Variants in MAP2K6 observed in about 807,000 individuals in gnomAD.
MAP2K6 encodes the protein mitogen-activated protein kinase kinase 6.
A neutral mutation model predicts 53.7 loss-of-function variants in MAP2K6; 16 were observed. The observed-to-expected ratio is 0.30, with a 90% CI of 0.20 to 0.45. The LOEUF (loss-of-function observed/expected upper bound fraction) is 0.45, where lower values mean the gene tolerates loss of function less well. Ranked by LOEUF, MAP2K6 falls within the 20% of genes least tolerant of loss-of-function variation. The probability of loss-of-function intolerance (pLI) is 1.00; values close to 1 mark genes in which losing one functional copy is unlikely to be tolerated. For synonymous variants in MAP2K6, 132 were observed against 143.1 expected (o/e 0.92, Z 0.55); for missense variants, 204 against 411.9 (o/e 0.50, Z 4.37).
chr17:69,424,435 T>G (rs765656118), intron 1 of MAP2K6, among the ~76,000 whole-genome samples: 19 of 152,236 alleles, frequency 1.2e-4, no homozygotes, highest in Non-Finnish European at 2.8e-4. Flanking sequence ...GAATGTGAAT[T>G]CTATCATTTA....
chr17:69,489,220 C>CAAAA (rs58968517), intron 1 of MAP2K6, among the ~76,000 whole-genome samples: 2 of 62,634 alleles, frequency 3.2e-5, no homozygotes, highest in African/African-American at 1.3e-4. Flanking sequence ...AACTCTGTCT[C>CAAAA]AAAAAAAAAA....
intron 1 of MAP2K6, among the ~76,000 whole-genome samples, chr17:69,465,511 C>CA (rs1191523154): frequency 4.6e-5 from 7 of 152,042 alleles, no homozygotes; most frequent in Admixed American, 2.6e-4. Context: ...GGCTGAAAGA[C>CA]AAAAGGCCAC....
At chr17:69,462,539 C>A (rs1436608296) in intron 1 of MAP2K6, among the ~76,000 whole-genome samples, 1 of 152,172 alleles carries the variant, frequency 6.6e-6, no homozygotes, top group Non-Finnish European at 1.5e-5. Flanking sequence ...CCTTGGGTCA[C>A]CTTCTCAACC....
At chr17:69,456,866 T>G (rs1448865878) in intron 1 of MAP2K6, among the ~76,000 whole-genome samples, 1 of 152,184 alleles carries the variant, frequency 6.6e-6, no homozygotes, top group Non-Finnish European at 1.5e-5. Context: ...CTACAACACA[T>G]CTGTCCCCAC....
At chr17:69,416,366 C>T (rs182495629) in intron 1 of MAP2K6, among the ~76,000 whole-genome samples, 1 of 152,228 alleles carries the variant, frequency 6.6e-6, no homozygotes, top group Admixed American at 6.5e-5. Context: ...GCTGAAGAAC[C>T]TAGGAATTGA....
Position 69,497,114 on chromosome 17 carries a change from G to T in MAP2K6, c.17-8666G>T, listed in dbSNP as rs1448040237. On this transcript the variant is annotated intron_variant, in intron 1 of 11. Coordinates refer to ENST00000590474, the MANE Select transcript of MAP2K6 (RefSeq NM_002758.4). The stretch of plus-strand genomic sequence containing the variant: ...AAGCAGCTTATTTGTGAGCCAGATT[G>T]CTGTGGTCTCTACCTCTTATTTTTG... 2.0e-5 allele frequency among the ~76,000 whole-genome samples: 3 copies of T among 152,278 alleles called. No homozygotes were observed. In the East Asian group the frequency reaches 5.8e-4, roughly 29 times the overall value.
rs1252200483 is a variant in MAP2K6 at position 69,551,541 on chromosome 17, G to A, written c.*9788G>A. The A allele has an allele frequency of 1.3e-5, 2 of 152,178 alleles. No homozygotes were observed. The highest frequency in any genetic ancestry group is 2.4e-5 in the African/African-American group (1 of 41,454). The allele number at this position is 152,178 out of a possible 1,614,324, so 9.4% of individuals were successfully genotyped here. On this transcript the variant is annotated 3_prime_UTR_variant, in exon 12 of 12. Coordinates refer to ENST00000590474, the MANE Select transcript of MAP2K6 (RefSeq NM_002758.4). The stretch of plus-strand genomic sequence containing the variant: ...CAGCAACTGTTTTAGAAAACTATAT[G>A]TGCCAAAAATTTACATTGGGCAGCA...
intron 1 of MAP2K6, among the ~76,000 whole-genome samples, chr17:69,436,481 T>G (rs907959046): frequency 6.6e-6 from 1 of 152,248 alleles, no homozygotes; most frequent in Non-Finnish European, 1.5e-5. Context: ...TTTACAATGT[T>G]TTATCCTCAG....
At chr17:69,528,849 G>A (rs1399985178) in intron 10 of MAP2K6, among the ~76,000 whole-genome samples, 1 of 100,612 alleles carries the variant, frequency 9.9e-6, no homozygotes, top group Non-Finnish European at 1.8e-5. Context: ...ATAAGAGAGA[G>A]ACGCCATCTC....
At chr17:69,505,635 C>T (rs775330779) in intron 1 of MAP2K6, 145 bp from the exon 2 acceptor site, 6 of 677,344 alleles carry the variant, frequency 8.9e-6, no homozygotes, top group Non-Finnish European at 1.6e-5. Context: ...TTAACACTCA[C>T]AGACTTCCTG....
At position 69,550,593 on chromosome 17, in the gene MAP2K6, G is replaced by A. The variant is rs1177161528; in HGVS notation, c.*8840G>A. On this transcript the variant is annotated 3_prime_UTR_variant, in exon 12 of 12. Coordinates refer to ENST00000590474, the MANE Select transcript of MAP2K6 (RefSeq NM_002758.4). Reference sequence around the variant, plus strand: ...TTTTATTTTATTTTTCTGATCTCAAGTTGTTTGTCCTGTTGTATGTTCAAT... The same window carrying A: ...TTTTATTTTATTTTTCTGATCTCAAATTGTTTGTCCTGTTGTATGTTCAAT... 2.6e-5 allele frequency: 4 copies of A among 152,140 alleles called. No homozygotes were observed. Among genetic ancestry groups the A allele is most frequent in the African/African-American group, 9.7e-5 (4 of 41,440 alleles). The allele number at this position is 152,140 out of a possible 1,614,324, so 9.4% of individuals were successfully genotyped here. A position where few individuals can be genotyped will look rare whatever the true frequency, so the allele number is the denominator to read the frequency against.
intron 1 of MAP2K6, among the ~76,000 whole-genome samples, chr17:69,453,522 A>G (rs1907300019): frequency 6.6e-6 from 1 of 152,154 alleles, no homozygotes; most frequent in Admixed American, 6.5e-5. Flanking sequence ...GGTCAAACAC[A>G]TTCATTTTCT....
intron 1 of MAP2K6, chr17:69,502,525 G>T: frequency 1.0e-6 from 1 of 985,394 alleles, no homozygotes; most frequent in Middle Eastern, 5.2e-4. Context: ...TAGGTTTTGT[G>T]TCTCCTGGAT....
Position 69,455,033 on chromosome 17 carries a change from TTA to T in MAP2K6, c.16+40035_16+40036del, listed in dbSNP as rs781117844. ...AGTTGGAGAGTCATTCTTACTATTA[TTA>T]TTTTTTTTTTTTTTTGGTGGAGGGG... On this transcript the variant is annotated intron_variant, in intron 1 of 11. Coordinates refer to ENST00000590474, the MANE Select transcript of MAP2K6 (RefSeq NM_002758.4). Among the ~76,000 whole-genome samples, 116 of 47,454 alleles carry T rather than the reference TTA, an allele frequency of 2.4e-3. 3 individuals are homozygous for T. The highest frequency in any genetic ancestry group is 9.1e-3 in the Middle Eastern group (1 of 110). The allele number at this position is 47,454 out of a possible 152,430, so 31.1% of individuals were successfully genotyped here.
intron 1 of MAP2K6, among the ~76,000 whole-genome samples, chr17:69,469,342 C>A (rs767514337): frequency 1.3e-5 from 2 of 152,232 alleles, no homozygotes; most frequent in African/African-American, 2.4e-5. Context: ...ACTTTAATCA[C>A]ATCTGCAAAG....
At chr17:69,445,666 C>T (rs972194577) in intron 1 of MAP2K6, among the ~76,000 whole-genome samples, 7 of 152,028 alleles carry the variant, frequency 4.6e-5, no homozygotes, top group African/African-American at 1.7e-4. Flanking sequence ...AAATATTCTT[C>T]TCACTGAACC....
intron 1 of MAP2K6, among the ~76,000 whole-genome samples, chr17:69,452,853 T>C (rs1049512488): frequency 6.6e-6 from 1 of 152,216 alleles, no homozygotes; most frequent in African/African-American, 2.4e-5. Context: ...AGGATTTAGG[T>C]CGTACCAAAG....
intron 1 of MAP2K6, among the ~76,000 whole-genome samples, chr17:69,463,219 A>C (rs1907678920): frequency 6.6e-6 from 1 of 151,524 alleles, no homozygotes; most frequent in Non-Finnish European, 1.5e-5. Flanking sequence ...TAATGTTCAG[A>C]TAATCAATAT....
rs1910228482 is a variant in MAP2K6, at chr17:69,517,631, C to T, written c.246+18C>T. ...CAGTGAAGGTAGAGTTGACATTCTC[C>T]CAAATGTTTTATATCTGCTGTGTAT... is the stretch of plus-strand genomic sequence containing the variant. On this transcript the variant is annotated intron_variant, in intron 4 of 11. Coordinates refer to ENST00000590474, the MANE Select transcript of MAP2K6 (RefSeq NM_002758.4). 6.4e-7 allele frequency: 1 copy of T among 1,562,628 alleles called. No homozygotes were observed. The highest frequency in any genetic ancestry group is 8.7e-7 in the Non-Finnish European group (1 of 1,148,260).
Sources: gnomAD v4.1 joint callset for allele counts (sites outside exome capture counted in the v4.1 genomes callset) on GRCh38, gnomAD v4.1.1 for gene constraint, MANE v1.5 for transcripts, NCBI Gene and HGNC (gene_info 2026-07-23, HGNC 2026-07-21) for gene names.